The following KCNS2 variants were observed in gnomAD, a reference collection of about 807,000 sequenced individuals.
KCNS2 encodes delayed-rectifier potassium channel regulatory subunit KCNS2.
Under a neutral mutation model 28.3 loss-of-function variants are expected in KCNS2, and 15 were observed. The ratio of observed to expected loss-of-function variants is 0.53; its 90% CI spans 0.35 to 0.82. The LOEUF (loss-of-function observed/expected upper bound fraction) is 0.82. KCNS2 is among the 40% of genes least tolerant of loss of function. The pLI is 0.01. For missense variants in KCNS2, 501 were observed against 617.1 expected (o/e 0.81, Z 1.99); for synonymous variants, 254 against 256.7 (o/e 0.99, Z 0.10).
At position 98,428,214 on chromosome 8, in the gene KCNS2, C is replaced by G; in HGVS notation, c.235C>G (p.Pro79Ala). The G allele has an allele frequency of 1.9e-6, 3 of 1,614,130 alleles. No homozygotes were observed. The highest frequency in any genetic ancestry group is 2.5e-6 in the Non-Finnish European group (3 of 1,180,008). Residue 79 changes from proline (P) to alanine (A), a missense_variant, in exon 2 of 2, where the codon CCC becomes GCC. Coordinates refer to ENST00000287042, the MANE Select transcript of KCNS2 (RefSeq NM_020697.4). The surrounding 1 kb of genome is among the most constrained non-coding windows in gnomAD (Gnocchi z 6.7). ...CTTCGACCGCAACCCTGAGCTCTTC[C>G]CCTACGTGCTGCATTTCTATCACAC... ...FYFDRNPELFPYVLHFYHTGK... is the reference protein window; with the variant it reads ...FYFDRNPELFAYVLHFYHTGK...
At chr8:98,427,749 T>G in intron 1 of KCNS2, 189 bp from the exon 2 acceptor site, 1 of 476,470 alleles carries the variant, frequency 2.1e-6, no homozygotes. Flanking sequence ...GGTGGAGCTG[T>G]GCTAATAGAA....
rs1388553228 is a variant in KCNS2 at position 98,429,327 on chromosome 8, C to T, written c.1348C>T (p.His450Tyr). Residue 450 changes from histidine to tyrosine, a missense_variant, in exon 2 of 2, where the codon CAT becomes TAT. His to Tyr is a moderately conservative substitution (Grantham distance 83). Coordinates refer to ENST00000287042, the MANE Select transcript of KCNS2 (RefSeq NM_020697.4). The stretch of plus-strand genomic sequence containing the variant: ...GGTCAATTTAAGGGACTATTATGCC[C>T]ATAAAGTTAAATCCCTTATGGCAAG... ...PSVNLRDYYA[H>Y]KVKSLMASLT... The T allele has an allele frequency of 5.6e-6, 9 of 1,614,150 alleles. No individual in the cohort carries two copies. The highest frequency in any genetic ancestry group is 1.6e-4 in the Middle Eastern group (1 of 6,062).
In KCNS2 at chr8:98,426,992, C is replaced by T. The variant is rs1408847134; in HGVS notation, c.-380C>T. On this transcript the variant is annotated 5_prime_UTR_variant, in exon 1 of 2. Coordinates refer to ENST00000287042, the MANE Select transcript of KCNS2 (RefSeq NM_020697.4). ...CGCGCCCCGCGCAGGGCGGGCGCCC[C>T]GTCACACCCGCTCTGCTCCCGCCCC... The T allele has an allele frequency of 6.7e-6, 1 of 150,150 alleles. No individual in the cohort carries two copies. Among genetic ancestry groups the T allele is most frequent in the South Asian group, 2.1e-4 (1 of 4,798 alleles). The allele number at this position is 150,150 out of a possible 1,614,324, so 9.3% of individuals were successfully genotyped here. A position where few individuals can be genotyped will look rare whatever the true frequency, so the allele number is the denominator to read the frequency against.
Position 98,431,715 on chromosome 8 carries a change from G to A in KCNS2, c.*2302G>A, listed in dbSNP as rs1438598979. The stretch of plus-strand genomic sequence containing the variant: ...TTACCACCAAAAAAGAGGTACCCTA[G>A]TGGTTACCCTTTGCAGATGTGAAAG... On this transcript the variant is annotated 3_prime_UTR_variant, in exon 2 of 2. Coordinates refer to ENST00000287042, the MANE Select transcript of KCNS2 (RefSeq NM_020697.4). The A allele has an allele frequency of 1.2e-5, 2 of 167,136 alleles. No individual in the cohort carries two copies. The highest frequency in any genetic ancestry group is 2.9e-5 in the Non-Finnish European group (2 of 68,122). 10.4% of individuals were successfully genotyped at this position (167,136 alleles called of 1,614,324 possible). A position where few individuals can be genotyped will look rare whatever the true frequency, so the allele number is the denominator to read the frequency against.
At position 98,430,214 on chromosome 8, in the gene KCNS2, C is replaced by CT. The variant is rs1002126209; in HGVS notation, c.*802dup. On this transcript the variant is annotated 3_prime_UTR_variant, in exon 2 of 2. Coordinates refer to ENST00000287042, the MANE Select transcript of KCNS2 (RefSeq NM_020697.4). ...GTGCTTAAAGCCAAGTTAGTGCAGG[C>CT]TGAGCCCCTTGGTTCACAGTCAAGC... 6.0e-6 allele frequency: 1 copy of CT among 167,076 alleles called. No homozygotes were observed. The highest frequency in any genetic ancestry group is 1.5e-5 in the Non-Finnish European group (1 of 68,118). The allele number at this position is 167,076 out of a possible 1,614,324, so 10.3% of individuals were successfully genotyped here. A position where few individuals can be genotyped will look rare whatever the true frequency, so the allele number is the denominator to read the frequency against.
At chr8:98,427,448 G>T (rs1381232021) in intron 1 of KCNS2, 119 bp downstream of exon 1, 1 of 152,086 alleles carries the variant, frequency 6.6e-6, no homozygotes, top group Non-Finnish European at 1.5e-5. Flanking sequence ...GGGACGCGGG[G>T]GCTGCAGGCG....
chr8:98,427,201 C>G lies in KCNS2; in HGVS notation c.-171C>G, dbSNP rs1818248782. 1 of 149,656 alleles carries G rather than the reference C, an allele frequency of 6.7e-6. No homozygotes were observed. The highest frequency in any genetic ancestry group is 2.1e-4 in the South Asian group (1 of 4,828). 9.3% of individuals were successfully genotyped at this position (149,656 alleles called of 1,614,324 possible). A position where few individuals can be genotyped will look rare whatever the true frequency, so the allele number is the denominator to read the frequency against. ...GAGACGCTCGGCGGCCCCCGCCCGC[C>G]GGCCCGCCGGGCGCACACACTCGCA... is the stretch of plus-strand genomic sequence containing the variant. On this transcript the variant is annotated 5_prime_UTR_variant, in exon 1 of 2. Transcript: ENST00000287042.
chr8:98,429,672 T>C lies in KCNS2; in HGVS notation c.*259T>C. ...CATCGTGGGCATAAAATGTTCACCT[T>C]TTTGCCAGATGAGTACACCCAGAAT... is the stretch of plus-strand genomic sequence containing the variant. On this transcript the variant is annotated 3_prime_UTR_variant, in exon 2 of 2. Coordinates refer to ENST00000287042, the MANE Select transcript of KCNS2 (RefSeq NM_020697.4). 1 of 481,360 alleles carries C rather than the reference T, an allele frequency of 2.1e-6. No individual in the cohort carries two copies. Among genetic ancestry groups the C allele is most frequent in the East Asian group, 3.3e-5 (1 of 30,336 alleles). The allele number at this position is 481,360 out of a possible 1,614,324, so 29.8% of individuals were successfully genotyped here. A position where few individuals can be genotyped will look rare whatever the true frequency, so the allele number is the denominator to read the frequency against.
chr8:98,429,787 C>A lies in KCNS2; in HGVS notation c.*374C>A, dbSNP rs1217431020. The A allele has an allele frequency of 5.2e-6, 1 of 193,050 alleles. No homozygotes were observed. Among genetic ancestry groups the A allele is most frequent in the Non-Finnish European group, 1.2e-5 (1 of 85,046 alleles). The allele number at this position is 193,050 out of a possible 1,614,324, so 12.0% of individuals were successfully genotyped here. A position where few individuals can be genotyped will look rare whatever the true frequency, so the allele number is the denominator to read the frequency against. ...GTCGTGCTCCTGTTTCTGAGGTTGT[C>A]GTGTGAGTTCTGTACAAAAAGCCCC... On this transcript the variant is annotated 3_prime_UTR_variant, in exon 2 of 2. Transcript: ENST00000287042.
rs1818278989 is a variant in KCNS2 at position 98,428,507 on chromosome 8, G to A, written c.528G>A (p.Ala176=). The A allele has an allele frequency of 8.7e-6, 14 of 1,614,072 alleles. No individual in the cohort carries two copies. The highest frequency in any genetic ancestry group is 4.5e-5 in the East Asian group (2 of 44,862). ...LGNFRRQLWL[A]LDNPGYSVLS... is the part of the protein sequence containing the mutation. The stretch of plus-strand genomic sequence containing the variant: ...ACTTCCGCAGGCAGCTGTGGCTGGC[G>A]CTGGACAACCCCGGCTACTCAGTGC... Residue 176 remains alanine (A), a synonymous_variant, in exon 2 of 2, where the codon GCG becomes GCA. Transcript: ENST00000287042. The surrounding 1 kb of genome is among the most constrained non-coding windows in gnomAD (Gnocchi z 6.7).
rs947530934 is a variant in KCNS2 at position 98,427,184 on chromosome 8, C to T, written c.-188C>T. Reference sequence around the variant, plus strand: ...CCGGCCCGAGACGGGAGGAGACGCTCGGCGGCCCCCGCCCGCCGGCCCGCC... The same window carrying T: ...CCGGCCCGAGACGGGAGGAGACGCTTGGCGGCCCCCGCCCGCCGGCCCGCC... On this transcript the variant is annotated 5_prime_UTR_variant, in exon 1 of 2. Coordinates refer to ENST00000287042, the MANE Select transcript of KCNS2 (RefSeq NM_020697.4). The T allele has an allele frequency of 1.3e-5, 2 of 149,372 alleles. No individual in the cohort carries two copies. Among genetic ancestry groups the T allele is most frequent in the Non-Finnish European group, 3.0e-5 (2 of 67,274 alleles). 9.3% of individuals were successfully genotyped at this position (149,372 alleles called of 1,614,324 possible). A position where few individuals can be genotyped will look rare whatever the true frequency, so the allele number is the denominator to read the frequency against.
rs1818327127 is a variant in KCNS2 at position 98,431,393 on chromosome 8, C to T, written c.*1980C>T. 1 of 167,084 alleles carries T rather than the reference C, an allele frequency of 6.0e-6. No individual in the cohort carries two copies. Among genetic ancestry groups the T allele is most frequent in the Non-Finnish European group, 1.5e-5 (1 of 68,140 alleles). The allele number at this position is 167,084 out of a possible 1,614,324, so 10.4% of individuals were successfully genotyped here. A position where few individuals can be genotyped will look rare whatever the true frequency, so the allele number is the denominator to read the frequency against. On this transcript the variant is annotated 3_prime_UTR_variant, in exon 2 of 2. Coordinates refer to ENST00000287042, the MANE Select transcript of KCNS2 (RefSeq NM_020697.4). Reference sequence around the variant, plus strand: ...GAAAAGTGAGATGACTTAGAGGCAACTGGGCACTGAATCAGAGGAGCAGAG... The same window carrying T: ...GAAAAGTGAGATGACTTAGAGGCAATTGGGCACTGAATCAGAGGAGCAGAG...
Position 98,427,994 on chromosome 8 carries a change from C to T in KCNS2, c.15C>T (p.Ser5=), listed in dbSNP as rs751388948. 2 of 1,562,874 alleles carry T rather than the reference C, an allele frequency of 1.3e-6. No homozygotes were observed. Among genetic ancestry groups the T allele is most frequent in the South Asian group, 1.2e-5 (1 of 85,086 alleles). ...GCGCCTCCAGCATGACCGGCCAGAGCCTGTGGGACGTGTCGGAGGCTAACG... is the reference window on the plus strand; with the variant it reads ...GCGCCTCCAGCATGACCGGCCAGAGTCTGTGGGACGTGTCGGAGGCTAACG... MTGQ[S]LWDVSEANVE... is the part of the protein sequence containing the mutation. The change falls in exon 2 of 2, where the codon AGC becomes AGT. Residue 5 remains serine (S), a synonymous_variant. Coordinates refer to ENST00000287042, the MANE Select transcript of KCNS2 (RefSeq NM_020697.4).
rs1184722521 is a variant in KCNS2 at position 98,431,880 on chromosome 8, G to A, written c.*2467G>A. The stretch of plus-strand genomic sequence containing the variant: ...ATATACTTATATAAAATATTATCTT[G>A]CCCAACTGGACCTTTACTCACTTCT... On this transcript the variant is annotated 3_prime_UTR_variant, in exon 2 of 2. Coordinates refer to ENST00000287042, the MANE Select transcript of KCNS2 (RefSeq NM_020697.4). The A allele has an allele frequency of 1.2e-5, 2 of 166,854 alleles. No homozygotes were observed. Among genetic ancestry groups the A allele is most frequent in the Non-Finnish European group, 2.9e-5 (2 of 68,104 alleles). 10.3% of individuals were successfully genotyped at this position (166,854 alleles called of 1,614,324 possible). A position where few individuals can be genotyped will look rare whatever the true frequency, so the allele number is the denominator to read the frequency against.
At position 98,427,945 on chromosome 8, in the gene KCNS2, G is replaced by GC. The variant is rs1434233519; in HGVS notation, c.-30dup. 8 of 1,458,326 alleles carry GC rather than the reference G, an allele frequency of 5.5e-6. No individual in the cohort carries two copies. Among genetic ancestry groups the GC allele is most frequent in the Middle Eastern group, 1.9e-4 (1 of 5,348 alleles). The allele number at this position is 1,458,326 out of a possible 1,614,324, so 90.3% of individuals were successfully genotyped here. On this transcript the variant is annotated 5_prime_UTR_variant, in exon 2 of 2. Transcript: ENST00000287042. ...TGTTCCCTCCGCTTCCAGGTGTAGC[G>GC]CCCCCGCGCGGCGCGGGCGGCCGGC...
rs767684188 is a variant in KCNS2 at position 98,428,845 on chromosome 8, A to G, written c.866A>G (p.Asn289Ser). The change falls in exon 2 of 2, where the codon AAC becomes AGC. Residue 289 changes from asparagine (N) to serine (S), a missense_variant. Coordinates refer to ENST00000287042, the MANE Select transcript of KCNS2 (RefSeq NM_020697.4). The surrounding 1 kb of genome is among the most constrained non-coding windows in gnomAD (Gnocchi z 6.7). The part of the protein sequence containing the change: ...LVVESTPTLA[N>S]LGRVAQVLRL... ...GTGGAGAGCACACCTACTTTAGCCA[A>G]CTTGGGCAGGGTGGCCCAGGTCCTG... 1 of 1,614,122 alleles carries G rather than the reference A, an allele frequency of 6.2e-7. No homozygotes were observed. The highest frequency in any genetic ancestry group is 8.5e-7 in the Non-Finnish European group (1 of 1,180,008).
Position 98,428,369 on chromosome 8 carries a change from C to G in KCNS2, c.390C>G (p.Pro130=), listed in dbSNP as rs764750909. 3.1e-6 allele frequency: 5 copies of G among 1,614,124 alleles called. No individual in the cohort carries two copies. The highest frequency in any genetic ancestry group is 1.1e-5 in the South Asian group (1 of 91,078). ...GCTACCATGGCCGCAAAGTAGAGCC[C>G]GAGCAGGAGAAGTGGGACGAGCAGA... ...SYSYHGRKVE[P]EQEKWDEQSD... Residue 130 remains proline (P), a synonymous_variant, in exon 2 of 2, where the codon CCC becomes CCG. Transcript: ENST00000287042. This position sits in a 1 kb window ranked among gnomAD's most constrained non-coding sequence, Gnocchi z 6.7.
In KCNS2 at chr8:98,432,077, T is replaced by C. The variant is rs1818342339; in HGVS notation, c.*2664T>C. On this transcript the variant is annotated 3_prime_UTR_variant, in exon 2 of 2. Coordinates refer to ENST00000287042, the MANE Select transcript of KCNS2 (RefSeq NM_020697.4). The stretch of plus-strand genomic sequence containing the variant: ...CCTCTCCCCTAAAGTCTCACTAAGG[T>C]TTGAAGTTTACAGGTGCTCTCCACT... The C allele has an allele frequency of 6.0e-6, 1 of 167,012 alleles. No homozygotes were observed. The highest frequency in any genetic ancestry group is 1.5e-5 in the Non-Finnish European group (1 of 68,112). 10.3% of individuals were successfully genotyped at this position (167,012 alleles called of 1,614,324 possible).
Position 98,431,743 on chromosome 8 carries a change from G to A in KCNS2, c.*2330G>A, listed in dbSNP as rs1453192095. 3 of 167,086 alleles carry A rather than the reference G, an allele frequency of 1.8e-5. No individual in the cohort carries two copies. Among genetic ancestry groups the A allele is most frequent in the African/African-American group, 4.8e-5 (2 of 41,458 alleles). The allele number at this position is 167,086 out of a possible 1,614,324, so 10.4% of individuals were successfully genotyped here. Reference sequence around the variant, plus strand: ...GTTACCCTTTGCAGATGTGAAAGCTGGAAAACTTGACTTTTCTTTTTGGTA... The same window carrying A: ...GTTACCCTTTGCAGATGTGAAAGCTAGAAAACTTGACTTTTCTTTTTGGTA... On this transcript the variant is annotated 3_prime_UTR_variant, in exon 2 of 2. Coordinates refer to ENST00000287042, the MANE Select transcript of KCNS2 (RefSeq NM_020697.4).
Sources: allele counts gnomAD v4.1 joint callset, GRCh38; gene constraint gnomAD v4.1.1; non-coding constraint Gnocchi (gnomAD v3.1); transcripts MANE v1.5; gene names NCBI Gene and HGNC (gene_info 2026-07-23, HGNC 2026-07-21).